The following CCNB3 variants were observed in gnomAD, a reference collection of about 807,000 sequenced individuals.
CCNB3 encodes the protein G2/mitotic-specific cyclin-B3.
CCNB3 carries 12 observed loss-of-function variants against 68.0 expected under a neutral mutation model. The ratio of observed to expected loss-of-function variants is 0.18; its 90% confidence interval spans 0.11 to 0.29. The LOEUF is 0.29. CCNB3 is among the 10% of genes least tolerant of loss of function. The pLI is 1.00. For synonymous variants in CCNB3, 354 were observed against 388.9 expected (o/e 0.91, Z 1.06); for missense variants, 904 against 993.1 (o/e 0.91, Z 1.21).
chrX:50,301,849 C>A (rs1291419507), intron 5 of CCNB3, among the ~76,000 whole-genome samples: 1 of 112,720 alleles, frequency 8.9e-6, no homozygotes, highest in Non-Finnish European at 1.9e-5. Context: ...GCCCCTCCCC[C>A]AGGCTTGCTG....
Position 50,351,821 on chromosome X carries a change from G to T in CCNB3, c.*118G>T. On this transcript the variant is annotated 3_prime_UTR_variant, in exon 13 of 13. Coordinates refer to ENST00000376042, the MANE Select transcript of CCNB3 (RefSeq NM_033031.3). ...CTTTGTCTTTTCCCAAACTGATAAT[G>T]TTATAAATATTTATGTTGCTTGTTT... 2.1e-6 allele frequency: 1 copy of T among 469,909 alleles called. No homozygotes were observed. Among genetic ancestry groups the T allele is most frequent in the Non-Finnish European group, 3.4e-6 (1 of 292,605 alleles). The allele number at this position is 469,909 out of a possible 1,213,427, so 38.7% of individuals were successfully genotyped here. A position where few individuals can be genotyped will look rare whatever the true frequency, so the allele number is the denominator to read the frequency against.
chrX:50,309,663 G>C lies in CCNB3; in HGVS notation c.1494G>C (p.Gln498His). The change falls in exon 6 of 13, where the codon CAG (glutamine) becomes CAC (histidine). Residue 498 changes from glutamine to histidine, a missense_variant. Gln to His is a conservative substitution (Grantham distance 24). Around this residue, in one of 2 missense-constraint regions of CCNB3, gnomAD observed 619 missense variants for 609.8 expected, o/e 1.02. Transcript: ENST00000376042. ...PLILKRKHAT[Q>H]GTMSHLKKPL... is the part of the protein sequence containing the mutation. The stretch of plus-strand genomic sequence containing the variant: ...TTTTAAAGAGGAAGCATGCCACTCA[G>C]GGGACAATGTCCCACTTGAAGAAAC... 7.4e-6 allele frequency: 9 copies of C among 1,210,227 alleles called. No individual in the cohort carries two copies. Among genetic ancestry groups the C allele is most frequent in the Non-Finnish European group, 1.0e-5 (9 of 894,904 alleles).
intron 8 of CCNB3, among the ~76,000 whole-genome samples, chrX:50,328,892 G>A (rs1479142412): frequency 2.7e-5 from 3 of 112,630 alleles, no homozygotes; most frequent in Non-Finnish European, 5.6e-5. Flanking sequence ...ACATAAGTCT[G>A]AAACCCAGTA....
intron 1 of CCNB3, among the ~76,000 whole-genome samples, chrX:50,227,819 G>C (rs1935926787): frequency 1.2e-5 from 1 of 81,150 alleles, no homozygotes; most frequent in Non-Finnish European, 2.2e-5. Flanking sequence ...TAAATATATA[G>C]AGAATATATA....
At position 50,310,206 on chromosome X, in the gene CCNB3, T is replaced by C. The variant is rs1602224638; in HGVS notation, c.2037T>C (p.His679=). 17 of 1,209,312 alleles carry C rather than the reference T, an allele frequency of 1.4e-5. No individual in the cohort carries two copies. The highest frequency in any genetic ancestry group is 1.8e-5 in the Non-Finnish European group (16 of 894,099). ...EEFSQELFSL[H]VKHTNKSGSL... Reference sequence around the variant, plus strand: ...TCTCTCAGGAACTATTTTCATTGCATGTTAAGCATACCAACAAAAGTGGGT... The same window carrying C: ...TCTCTCAGGAACTATTTTCATTGCACGTTAAGCATACCAACAAAAGTGGGT... Residue 679 remains histidine (H), a synonymous_variant, in exon 6 of 13, where the codon CAT becomes CAC. Coordinates refer to ENST00000376042, the MANE Select transcript of CCNB3 (RefSeq NM_033031.3).
chrX:50,298,645 A>T (rs782035632), intron 5 of CCNB3, among the ~76,000 whole-genome samples: 315 of 111,678 alleles, frequency 2.8e-3, no homozygotes, highest in African/African-American at 9.5e-3. Flanking sequence ...TGCTGGCCTC[A>T]TAAAATGAGT....
intron 11 of CCNB3, among the ~76,000 whole-genome samples, chrX:50,350,444 A>G (rs1557220955): frequency 8.9e-6 from 1 of 112,047 alleles, no homozygotes; most frequent in Non-Finnish European, 1.9e-5. Flanking sequence ...AAACACTGCT[A>G]TACCGCTTCT....
rs368387720 is a variant in CCNB3, at chrX:50,308,969, G to A, written c.800G>A (p.Ser267Asn). 420 of 1,208,757 alleles carry A rather than the reference G, an allele frequency of 3.5e-4. No individual in the cohort carries two copies. Among genetic ancestry groups the A allele is most frequent in the Non-Finnish European group, 4.6e-4 (407 of 894,447 alleles). The change falls in exon 6 of 13, where the codon AGT (serine) becomes AAT (asparagine). Residue 267 changes from serine to asparagine, a missense_variant. By Grantham distance (46) the Ser-to-Asn change is conservative. Transcript: ENST00000376042. ...EEDSFFMESMSFKKKPKTEES... is the reference protein window; with the variant it reads ...EEDSFFMESMNFKKKPKTEES... ...GATTCCTTCTTTATGGAGTCAATGA[G>A]TTTTAAGAAGAAGCCTAAAACTGAG...
intron 1 of CCNB3, among the ~76,000 whole-genome samples, chrX:50,207,381 A>G (rs1181971581): frequency 1.8e-5 from 2 of 111,938 alleles, no homozygotes; most frequent in East Asian, 2.8e-4. Flanking sequence ...CTTGTGGTGT[A>G]TTTGTTTCAT....
intron 1 of CCNB3, among the ~76,000 whole-genome samples, chrX:50,218,564 G>C (rs1290730659): frequency 3.6e-5 from 4 of 111,655 alleles, no homozygotes; most frequent in African/African-American, 9.8e-5. Context: ...AGTTTGCCTA[G>C]AATGATGGTT....
At chrX:50,345,913 G>A (rs191236622) in intron 9 of CCNB3, among the ~76,000 whole-genome samples, 2 of 112,424 alleles carry the variant, frequency 1.8e-5, no homozygotes, top group African/African-American at 3.2e-5. Context: ...GAAAGGTGGG[G>A]GAAGAAAGCT....
At chrX:50,322,904 AAAAGTCAGG>A (rs1331030289) in intron 8 of CCNB3, among the ~76,000 whole-genome samples, 2 of 111,280 alleles carry the variant, frequency 1.8e-5, no homozygotes, top group Non-Finnish European at 3.8e-5. Flanking sequence ...GCGATCATTA[AAAAGTCAGG>A]AAACAACAGG....
chrX:50,214,475 C>CATATATAT (rs1184201216), intron 1 of CCNB3, among the ~76,000 whole-genome samples: 276 of 9,462 alleles, frequency 0.029, 14 homozygotes, highest in African/African-American at 0.034. Flanking sequence ...AGCTGTGGCC[C>CATATATAT]ATATATATAT....
At chrX:50,316,356 G>A (rs1602229786) in intron 8 of CCNB3, among the ~76,000 whole-genome samples, 1 of 111,830 alleles carries the variant, frequency 8.9e-6, no homozygotes, top group Admixed American at 9.5e-5. Context: ...TAATACACAC[G>A]GTGTGTTTAA....
At chrX:50,280,530 G>A (rs1017704504) in intron 1 of CCNB3, among the ~76,000 whole-genome samples, 30 of 109,149 alleles carry the variant, frequency 2.7e-4, no homozygotes, top group Admixed American at 6.0e-4. Context: ...AGCACGTTTT[G>A]AATTAACTTA....
chrX:50,351,513 A>G, intron 12 of CCNB3, 94 bp from the exon 13 acceptor site: 1 of 1,045,572 alleles, frequency 9.6e-7, no homozygotes, highest in Middle Eastern at 3.2e-4. Flanking sequence ...TTAAAGCAAG[A>G]TAGGAAACTA....
At chrX:50,302,174 G>A (rs1043022760) in intron 5 of CCNB3, among the ~76,000 whole-genome samples, 3 of 112,190 alleles carry the variant, frequency 2.7e-5, no homozygotes, top group Non-Finnish European at 5.6e-5. Context: ...CCAGTGAGGT[G>A]AATCTGGTAC....
At chrX:50,226,684 A>G (rs1418647624) in intron 1 of CCNB3, among the ~76,000 whole-genome samples, 2 of 78,974 alleles carry the variant, frequency 2.5e-5, no homozygotes, top group Non-Finnish European at 4.5e-5. Context: ...ACATATCTAT[A>G]AATATATATA....
At chrX:50,279,298 A>AT (rs1936028947) in intron 1 of CCNB3, among the ~76,000 whole-genome samples, 1 of 71,883 alleles carries the variant, frequency 1.4e-5, no homozygotes, top group Admixed American at 2.1e-4. Context: ...ATAAATATAT[A>AT]TGAATATTTA....
Sources: gnomAD v4.1 joint callset for allele counts (sites outside exome capture counted in the v4.1 genomes callset) on GRCh38, gnomAD v4.1.1 for gene constraint, gnomAD v4.1.1 regional missense constraint, MANE v1.5 for transcripts, NCBI Gene and HGNC (gene_info 2026-07-23, HGNC 2026-07-21) for gene names.